ST7: variants seen among roughly 807,000 people sequenced by gnomAD.
The protein encoded by ST7 is suppressor of tumorigenicity 7 protein.
Under a neutral mutation model 78.7 loss-of-function variants are expected in ST7, and 28 were observed. The ratio of observed to expected loss-of-function variants is 0.36; its 90% CI spans 0.26 to 0.49. The LOEUF (loss-of-function observed/expected upper bound fraction) is 0.49. Ranked by LOEUF, ST7 falls within the 20% of genes least tolerant of loss-of-function variation. The pLI is 0.99. For synonymous variants in ST7, 247 were observed against 249.6 expected, an observed-to-expected ratio of 0.99 and a Z score of 0.10; for missense variants, 418 against 696.0, an observed-to-expected ratio of 0.60 and a Z score of 4.49.
chr7:117,040,953 T>C (rs76570025), intron 1 of ST7, among the ~76,000 whole-genome samples: 1 of 152,332 alleles, frequency 6.6e-6, no homozygotes, highest in African/African-American at 2.4e-5. Context: ...TTTTTGCCTC[T>C]CTTCTTCCCT....
rs113514438 is a variant in ST7, at chr7:117,222,949, C to T, written c.1638+887C>T. On this transcript the variant is annotated intron_variant, in intron 15 of 15. Transcript: ENST00000323984. ...GTTGAAGATGAACTGGAAATCCCTC[C>T]GGCACCTCAATCTCAACATTTCCAA... 189 of 1,613,822 alleles carry T rather than the reference C, an allele frequency of 1.2e-4. 2 individuals carry two copies. In the African/African-American group the frequency reaches 1.2e-3, roughly 10 times the overall value.
intron 9 of ST7, among the ~76,000 whole-genome samples, chr7:117,168,064 T>A (rs1196062998): frequency 6.6e-6 from 1 of 152,226 alleles, no homozygotes; most frequent in Non-Finnish European, 1.5e-5. Flanking sequence ...TGGTTTATAT[T>A]AAATTAGGAA....
intron 9 of ST7, among the ~76,000 whole-genome samples, chr7:117,169,420 G>A (rs1459484293): frequency 6.6e-6 from 1 of 152,092 alleles, no homozygotes; most frequent in African/African-American, 2.4e-5. Flanking sequence ...ATAGTCATGA[G>A]CCACTATGCC....
chr7:117,047,467 G>A (rs1584516519), intron 1 of ST7, among the ~76,000 whole-genome samples: 1 of 152,128 alleles, frequency 6.6e-6, no homozygotes, highest in East Asian at 1.9e-4. Context: ...CCTTTGATAT[G>A]GTATTCACAT....
intron 1 of ST7, among the ~76,000 whole-genome samples, chr7:116,955,408 T>C (rs762962754): frequency 3.3e-5 from 5 of 151,968 alleles, no homozygotes; most frequent in African/African-American, 4.8e-5. Flanking sequence ...TGGTGGAAGG[T>C]GGAAGGGTAA....
chr7:117,020,877 C>T (rs775830660), intron 1 of ST7, among the ~76,000 whole-genome samples: 17 of 152,098 alleles, frequency 1.1e-4, no homozygotes, highest in Non-Finnish European at 2.1e-4. Context: ...ATCCATACAG[C>T]CACCCTAGAA....
chr7:117,229,389 G>C (rs1793646733), intron 15 of ST7, among the ~76,000 whole-genome samples: 1 of 152,214 alleles, frequency 6.6e-6, no homozygotes, highest in Admixed American at 6.5e-5. Context: ...GGTCTAAGTT[G>C]TCACCATTTT....
At chr7:117,208,822 T>G (rs1792015890) in intron 12 of ST7, among the ~76,000 whole-genome samples, 1 of 152,080 alleles carries the variant, frequency 6.6e-6, no homozygotes, top group African/African-American at 2.4e-5. Context: ...TGTAGTCTAC[T>G]AGTCTCCATT....
intron 15 of ST7, among the ~76,000 whole-genome samples, chr7:117,226,135 A>C (rs1563183451): frequency 6.6e-6 from 1 of 152,156 alleles, no homozygotes. Flanking sequence ...GATTACCGTG[A>C]AATGTCAATT....
At chr7:117,094,927 T>C (rs893631207) in intron 1 of ST7, among the ~76,000 whole-genome samples, 33 of 152,332 alleles carry the variant, frequency 2.2e-4, no homozygotes, top group Middle Eastern at 3.4e-3. Flanking sequence ...TTATTTTTTT[T>C]CCATTTTGCA....
chr7:116,978,104 C>G (rs1793787295), intron 1 of ST7, among the ~76,000 whole-genome samples: 1 of 152,140 alleles, frequency 6.6e-6, no homozygotes, highest in Non-Finnish European at 1.5e-5. Context: ...TGAATCATTC[C>G]ATGGGCCAGC....
intron 1 of ST7, chr7:117,020,375 T>G: frequency 2.1e-6 from 1 of 478,580 alleles, no homozygotes; most frequent in Non-Finnish European, 3.6e-6. Context: ...CTCTTCGGTT[T>G]TTGGTGCTGT....
chr7:117,072,181 G>A (rs1799008203), intron 1 of ST7: 1 of 152,160 alleles, frequency 6.6e-6, no homozygotes, highest in Admixed American at 6.5e-5. Context: ...GGAAGAAAAG[G>A]ACATTTATAT....
At chr7:117,124,520 A>T (rs1353421085) in intron 3 of ST7, among the ~76,000 whole-genome samples, 1 of 152,182 alleles carries the variant, frequency 6.6e-6, no homozygotes, top group Non-Finnish European at 1.5e-5. Context: ...CATAATTATT[A>T]AGCAATTAAA....
At chr7:116,966,247 C>CTTTTTTTTT (rs374887005) in intron 1 of ST7, 3 of 178,552 alleles carry the variant, frequency 1.7e-5, no homozygotes, top group East Asian at 1.9e-4. Flanking sequence ...TTTTTTCTTT[C>CTTTTTTTTT]TTTTTTTTTT....
At chr7:117,086,064 T>G (rs1267698983) in intron 1 of ST7, among the ~76,000 whole-genome samples, 1 of 152,176 alleles carries the variant, frequency 6.6e-6, no homozygotes, top group Non-Finnish European at 1.5e-5. Context: ...TTCTTTTCCT[T>G]TCTTTTTTCT....
chr7:117,143,114 A>C (rs1805465416), intron 9 of ST7, among the ~76,000 whole-genome samples: 1 of 152,120 alleles, frequency 6.6e-6, no homozygotes, highest in African/African-American at 2.4e-5. Flanking sequence ...AAAGAGGAGA[A>C]TGTGATGTGG....
intron 1 of ST7, among the ~76,000 whole-genome samples, chr7:117,005,655 T>C (rs553831744): frequency 6.6e-6 from 1 of 152,130 alleles, no homozygotes; most frequent in Non-Finnish European, 1.5e-5. Flanking sequence ...TGTTTGAAGA[T>C]GTAGTATGCT....
intron 1 of ST7, among the ~76,000 whole-genome samples, chr7:117,031,185 TGAA>T (rs1275245077): frequency 6.6e-6 from 1 of 151,290 alleles, no homozygotes; most frequent in Non-Finnish European, 1.5e-5. Flanking sequence ...GGGGCCTACT[TGAA>T]GGAGGAGGGT....
Sources: gnomAD v4.1 joint callset for allele counts (sites outside exome capture counted in the v4.1 genomes callset) on GRCh38, gnomAD v4.1.1 for gene constraint, MANE v1.5 for transcripts, NCBI Gene and HGNC (gene_info 2026-07-23, HGNC 2026-07-21) for gene names.